NOTCH2NLR: variants seen among roughly 807,000 people sequenced by gnomAD.
NOTCH2NLR encodes notch 2 N-terminal like R, also known as notch 2 N-terminal like R (pseudogene).
A neutral mutation model predicts 35.6 loss-of-function variants in NOTCH2NLR; 33 were observed. That is an observed-to-expected ratio of 0.93 (90% CI 0.70 to 1.24). NOTCH2NLR has a LOEUF of 1.24. Ranked by LOEUF, NOTCH2NLR falls within the 50% of genes most tolerant of loss-of-function variation. The pLI is 0.00. For missense variants in NOTCH2NLR, 276 were observed against 362.2 expected (o/e 0.76, Z 1.93); for synonymous variants, 103 against 141.0 (o/e 0.73, Z 1.91).
chr1:120,776,362 C>T (rs1481203144), intron 2 of NOTCH2NLR, among the ~76,000 whole-genome samples: 1 of 76,290 alleles, frequency 1.3e-5, no homozygotes, highest in African/African-American at 1.1e-4. Context: ...GACTGAACAG[C>T]GTGTACAGAG....
chr1:120,784,167 C>G (rs1651396634), intron 2 of NOTCH2NLR, among the ~76,000 whole-genome samples: 1 of 117,756 alleles, frequency 8.5e-6, no homozygotes, highest in African/African-American at 4.9e-5. Context: ...AAGTAAAGAA[C>G]TAAGCTGATG....
chr1:120,785,327 C>G, intron 3 of NOTCH2NLR, 94 bp downstream of exon 3: 1 of 842,224 alleles, frequency 1.2e-6, no homozygotes, highest in Middle Eastern at 2.4e-4. Context: ...CTTAAATGTC[C>G]CCCAGCTCTG....
Position 120,793,814 on chromosome 1 carries a change from A to G in NOTCH2NLR, c.819A>G (p.Thr273=). 7 of 954,994 alleles carry G rather than the reference A, an allele frequency of 7.3e-6. 2 individuals are homozygous for G. Among genetic ancestry groups the G allele is most frequent in the South Asian group, 5.5e-5 (4 of 72,602 alleles). 59.2% of individuals were successfully genotyped at this position (954,994 alleles called of 1,614,324 possible). The change falls in exon 5 of 5, where the codon ACA becomes ACG. Residue 273 remains threonine, a synonymous_variant. Coordinates refer to ENST00000624419, the Ensembl canonical transcript of NOTCH2NLR. ...AGGCAAGTCTGGAATGGAAAAGAAC[A>G]CGATGAGAATTAGACACTGGAAAAT...
intron 1 of NOTCH2NLR, among the ~76,000 whole-genome samples, chr1:120,735,221 G>A (rs1345873921): frequency 7.0e-5 from 4 of 57,128 alleles, no homozygotes; most frequent in East Asian, 3.9e-4. Flanking sequence ...GCACCACAAC[G>A]CCTGGCTAAT....
intron 1 of NOTCH2NLR, among the ~76,000 whole-genome samples, chr1:120,737,401 C>A (rs1650917807): frequency 7.1e-5 from 1 of 14,118 alleles, no homozygotes; most frequent in Admixed American, 7.1e-4. Context: ...AGAGAGAAAA[C>A]CAAAGAAGCA....
At chr1:120,742,312 CGTGTGTGTGT>C (rs1209103933) in intron 1 of NOTCH2NLR, among the ~76,000 whole-genome samples, 4 of 27,854 alleles carry the variant, frequency 1.4e-4, no homozygotes, top group South Asian at 1.3e-3. Flanking sequence ...TGTGTGTGTG[CGTGTGTGTGT>C]GTGTGTGTGT....
exon 4 of NOTCH2NLR, chr1:120,793,443 G>A: frequency 2.8e-6 from 4 of 1,441,328 alleles, no homozygotes; most frequent in Non-Finnish European, 3.7e-6. Context: ...TGTGTCAATG[G>A]AGGCACCTGT....
Position 120,759,072 on chromosome 1 carries a change from T to C in NOTCH2NLR, c.74-4556T>C, listed in dbSNP as rs1184403895. Reference sequence around the variant, plus strand: ...CTGAGGACAGGGAGTTTATTCTGTATACTACGGTATCCCTGACATCAGGGC... The same window carrying C: ...CTGAGGACAGGGAGTTTATTCTGTACACTACGGTATCCCTGACATCAGGGC... On this transcript the variant is annotated intron_variant, in intron 1 of 4. Transcript: ENST00000624419. Among the ~76,000 whole-genome samples, 21 of 96,124 alleles carry C rather than the reference T, an allele frequency of 2.2e-4. 4 individuals carry two copies. Among genetic ancestry groups the C allele is most frequent in the Admixed American group, 5.2e-4 (5 of 9,562 alleles). The allele number at this position is 96,124 out of a possible 152,430, so 63.1% of individuals were successfully genotyped here. A position where few individuals can be genotyped will look rare whatever the true frequency, so the allele number is the denominator to read the frequency against.
chr1:120,729,990 A>C (rs1650858396), intron 1 of NOTCH2NLR, among the ~76,000 whole-genome samples: 1 of 99,630 alleles, frequency 1.0e-5, no homozygotes, highest in African/African-American at 7.0e-5. Flanking sequence ...CTTAGTACAG[A>C]GAAGAAAGCT....
chr1:120,793,321 C>G lies in NOTCH2NLR; in HGVS notation c.576C>G (p.Cys192Trp). 4.3e-6 allele frequency: 6 copies of G among 1,405,698 alleles called. 1 individual carries two copies. The highest frequency in any genetic ancestry group is 5.7e-6 in the Non-Finnish European group (6 of 1,047,612). The allele number at this position is 1,405,698 out of a possible 1,614,324, so 87.1% of individuals were successfully genotyped here. The change falls in exon 4 of 5, where the codon TGC becomes TGG. Residue 192 changes from cysteine (C) to tryptophan (W), a missense_variant. By Grantham distance (215) the Cys-to-Trp change is radical. Transcript: ENST00000624419. ...ATGAGTGTGACATTCCAGGACACTG[C>G]CAGCATGGTGGCACCTGCCTCAACC...
Position 120,729,736 on chromosome 1 carries a change from C to G in NOTCH2NLR, c.73+5486C>G, listed in dbSNP as rs1427931747. Among the ~76,000 whole-genome samples the G allele has an allele frequency of 4.3e-5, 5 of 116,896 alleles. 1 individual carries two copies. Among genetic ancestry groups the G allele is most frequent in the Admixed American group, 1.6e-4 (2 of 12,306 alleles). 76.7% of individuals were successfully genotyped at this position (116,896 alleles called of 152,430 possible). On this transcript the variant is annotated intron_variant, in intron 1 of 4. Transcript: ENST00000624419. ...AACTTCTCTTATGATAAGAATAGCT[C>G]AGGTGTTCTCATGGAGATTCTGATT...
chr1:120,724,184 G>C lies in NOTCH2NLR; in HGVS notation c.7G>C (p.Ala3Pro). The C allele has an allele frequency of 2.2e-6, 3 of 1,394,146 alleles. 1 individual carries two copies. The highest frequency in any genetic ancestry group is 2.8e-6 in the Non-Finnish European group (3 of 1,065,040). 86.4% of individuals were successfully genotyped at this position (1,394,146 alleles called of 1,614,324 possible). ...GGAGGAGGCGACCGAGAAGATGCCC[G>C]CCCTGCGTCCCGCTCTGCTGTGGGC... Residue 3 changes from alanine to proline, a missense_variant, in exon 1 of 5, where the codon GCC (alanine) becomes CCC (proline). Ala to Pro is a conservative substitution (Grantham distance 27). Coordinates refer to ENST00000624419, the Ensembl canonical transcript of NOTCH2NLR.
rs1651314740 is a variant in NOTCH2NLR, at chr1:120,777,728, C to A, written c.156-7246C>A. Reference sequence around the variant, plus strand: ...GGCAAGAAGTAGTATGACAGAGCTTCTTCTCTTTTTTTCCCCTCTTTACCA... The same window carrying A: ...GGCAAGAAGTAGTATGACAGAGCTTATTCTCTTTTTTTCCCCTCTTTACCA... On this transcript the variant is annotated intron_variant, in intron 2 of 4. Transcript: ENST00000624419. 4.5e-5 allele frequency among the ~76,000 whole-genome samples: 4 copies of A among 88,316 alleles called. 1 individual carries two copies. In the South Asian group the frequency reaches 1.4e-3, roughly 31 times the overall value. The allele number at this position is 88,316 out of a possible 152,430, so 57.9% of individuals were successfully genotyped here.
exon 2 of NOTCH2NLR, chr1:120,763,687 C>T: frequency 7.2e-7 from 1 of 1,393,728 alleles, no homozygotes. Context: ...TGTTACCTAC[C>T]ACAGTGGCAC....
chr1:120,763,560 C>T lies in NOTCH2NLR; in HGVS notation c.74-68C>T. 3 of 676,920 alleles carry T rather than the reference C, an allele frequency of 4.4e-6. 1 individual carries two copies. In the South Asian group the frequency reaches 4.6e-5, roughly 10 times the overall value. 41.9% of individuals were successfully genotyped at this position (676,920 alleles called of 1,614,324 possible). A position where few individuals can be genotyped will look rare whatever the true frequency, so the allele number is the denominator to read the frequency against. On this transcript the variant is annotated intron_variant, in intron 1 of 4. Transcript: ENST00000624419. ...ATGAATGCTGATCTGGATTGGATTA[C>T]ACTTCTTTGGTGTCTGAGGGTTATG...
In NOTCH2NLR at chr1:120,790,567, T is replaced by TC. The variant is rs1374984110; in HGVS notation, c.416-2593dup. 3.8e-5 allele frequency among the ~76,000 whole-genome samples: 4 copies of TC among 104,964 alleles called. 1 individual carries two copies. Among genetic ancestry groups the TC allele is most frequent in the African/African-American group, 2.5e-4 (4 of 16,210 alleles). 68.9% of individuals were successfully genotyped at this position (104,964 alleles called of 152,430 possible). A position where few individuals can be genotyped will look rare whatever the true frequency, so the allele number is the denominator to read the frequency against. Reference sequence around the variant, plus strand: ...TTCTTTCTTTCTTTCTTTCTTTCTTTCTTTCTTTCTTTCTTTCTTTCTTTC... The same window carrying TC: ...TTCTTTCTTTCTTTCTTTCTTTCTTTCCTTTCTTTCTTTCTTTCTTTCTTTC... On this transcript the variant is annotated intron_variant, in intron 3 of 4. Transcript: ENST00000624419.
In NOTCH2NLR at chr1:120,752,573, TTC is replaced by T. The variant is rs1557981307; in HGVS notation, c.74-11053_74-11052del. Among the ~76,000 whole-genome samples the T allele has an allele frequency of 1.8e-3, 66 of 36,208 alleles. 1 individual carries two copies. The highest frequency in any genetic ancestry group is 3.7e-3 in the African/African-American group (14 of 3,774). 23.8% of individuals were successfully genotyped at this position (36,208 alleles called of 152,430 possible). A position where few individuals can be genotyped will look rare whatever the true frequency, so the allele number is the denominator to read the frequency against. Reference sequence around the variant, plus strand: ...ATATATATTTTTTTTTTTTTTTTTTTTCTTTTTTTTTTTTTCAGGCAGAGTCT... The same window carrying T: ...ATATATATTTTTTTTTTTTTTTTTTTTTTTTTTTTTTTTCAGGCAGAGTCT... On this transcript the variant is annotated intron_variant, in intron 1 of 4. Coordinates refer to ENST00000624419, the Ensembl canonical transcript of NOTCH2NLR.
At chr1:120,790,291 G>A (rs1220272672) in intron 3 of NOTCH2NLR, among the ~76,000 whole-genome samples, 1 of 110,922 alleles carries the variant, frequency 9.0e-6, no homozygotes, top group Non-Finnish European at 1.7e-5. Flanking sequence ...TGGGATTACA[G>A]GTGTGAGCCA....
At chr1:120,783,038 AG>A (rs1294437247) in intron 2 of NOTCH2NLR, among the ~76,000 whole-genome samples, 846 of 63,168 alleles carry the variant, frequency 0.013, 40 homozygotes, top group Admixed American at 0.07. Context: ...AGGGAAGTTT[AG>A]TACCTTGCCC....
Sources: gnomAD v4.1 joint callset for allele counts (sites outside exome capture counted in the v4.1 genomes callset) on GRCh38, gnomAD v4.1.1 for gene constraint, MANE v1.5 for transcripts, NCBI Gene and HGNC (gene_info 2026-07-23, HGNC 2026-07-21) for gene names.